Variants in QTMAN observed in about 807,000 individuals in gnomAD.
QTMAN encodes queuosine-tRNA mannosyltransferase, also known as tRNA-queuosine alpha-mannosyltransferase.
At chr2:144,093,526 T>A in the QTMAN span, among the ~76,000 whole-genome samples, 1 of 152,176 alleles carries the variant, frequency 6.6e-6, no homozygotes, top group African/African-American at 2.4e-5. Flanking sequence ...AACAAACAAA[T>A]CATACGACTG....
chr2:144,084,880 A>C, the QTMAN span, among the ~76,000 whole-genome samples: 3 of 152,230 alleles, frequency 2.0e-5, no homozygotes, highest in Non-Finnish European at 4.4e-5. Flanking sequence ...GCAAAACTTT[A>C]GTGTGCATTA....
the QTMAN span, chr2:144,211,049 C>T: frequency 6.6e-6 from 1 of 152,130 alleles, no homozygotes; most frequent in African/African-American, 2.4e-5. Flanking sequence ...GAAAAGAAAA[C>T]TGCTTTCTGA....
At chr2:144,217,164 T>C in the QTMAN span, among the ~76,000 whole-genome samples, 1 of 151,972 alleles carries the variant, frequency 6.6e-6, no homozygotes, top group African/African-American at 2.4e-5. Context: ...AGCAGAGAAG[T>C]CAAGGTGTGT....
At chr2:144,205,057 T>C in the QTMAN span, among the ~76,000 whole-genome samples, 2 of 151,968 alleles carry the variant, frequency 1.3e-5, no homozygotes, top group African/African-American at 4.8e-5. Flanking sequence ...GACGAGTTAA[T>C]GGGTACAGCA....
the QTMAN span, among the ~76,000 whole-genome samples, chr2:144,097,715 C>A: frequency 1.3e-5 from 2 of 152,168 alleles, no homozygotes; most frequent in Non-Finnish European, 2.9e-5. Context: ...AGCTTTAAGT[C>A]CTCTGTCAAG....
At chr2:144,209,433 A>G in the QTMAN span, among the ~76,000 whole-genome samples, 1 of 152,234 alleles carries the variant, frequency 6.6e-6, no homozygotes, top group South Asian at 2.1e-4. Context: ...GACACTACAC[A>G]TACTTTGATC....
the QTMAN span, among the ~76,000 whole-genome samples, chr2:144,201,407 G>A: frequency 6.6e-6 from 1 of 152,296 alleles, no homozygotes; most frequent in South Asian, 2.1e-4. Context: ...GACAGGGGAG[G>A]AGATGATGTT....
the QTMAN span, among the ~76,000 whole-genome samples, chr2:144,151,366 TCTTA>T: frequency 6.8e-6 from 1 of 147,986 alleles, no homozygotes; most frequent in Non-Finnish European, 1.5e-5. Flanking sequence ...TGTATTAATC[TCTTA>T]TATTTCTTTT....
the QTMAN span, among the ~76,000 whole-genome samples, chr2:144,078,902 C>A: frequency 5.3e-5 from 8 of 152,056 alleles, no homozygotes; most frequent in African/African-American, 1.7e-4. Flanking sequence ...CTCAAAGTGG[C>A]ATTTTTCTTT....
the QTMAN span, among the ~76,000 whole-genome samples, chr2:144,021,019 A>C: frequency 6.6e-6 from 1 of 152,102 alleles, no homozygotes; most frequent in Non-Finnish European, 1.5e-5. Context: ...AAAGAGATAA[A>C]ATAAGGTCAA....
At chr2:144,032,041 C>G in the QTMAN span, among the ~76,000 whole-genome samples, 1 of 152,246 alleles carries the variant, frequency 6.6e-6, no homozygotes, top group Non-Finnish European at 1.5e-5. Context: ...CCTCAGCCTC[C>G]CAAAGTGCTG....
chr2:144,332,363 G>A, the QTMAN span: 1 of 144,946 alleles, frequency 6.9e-6, no homozygotes, highest in South Asian at 2.1e-4. Context: ...GGCGGGCGCC[G>A]GGGAGGGGAG....
At chr2:144,196,169 C>G in the QTMAN span, among the ~76,000 whole-genome samples, 2 of 151,358 alleles carry the variant, frequency 1.3e-5, no homozygotes, top group East Asian at 3.9e-4. Flanking sequence ...GAATGAGAAA[C>G]TCCATAATAC....
the QTMAN span, among the ~76,000 whole-genome samples, chr2:144,316,920 TTTAAC>T: frequency 1.3e-5 from 2 of 152,222 alleles, no homozygotes; most frequent in Non-Finnish European, 2.9e-5. Context: ...GTATACACCA[TTTAAC>T]TTGTTTCCTC....
At chr2:144,113,516 A>G in the QTMAN span, among the ~76,000 whole-genome samples, 1 of 152,226 alleles carries the variant, frequency 6.6e-6, no homozygotes, top group Admixed American at 6.5e-5. Context: ...AGAAGAACAG[A>G]AGAAGGTGAT....
At chr2:144,239,423 T>C in the QTMAN span, among the ~76,000 whole-genome samples, 5 of 152,160 alleles carry the variant, frequency 3.3e-5, no homozygotes, top group African/African-American at 1.2e-4. Flanking sequence ...GTGAGTCCTC[T>C]TGTTTTGAAT....
At chr2:144,192,702 G>T in the QTMAN span, among the ~76,000 whole-genome samples, 1 of 152,166 alleles carries the variant, frequency 6.6e-6, no homozygotes, top group African/African-American at 2.4e-5. Flanking sequence ...CAGCATATTT[G>T]TAAGTTTCAA....
the QTMAN span, among the ~76,000 whole-genome samples, chr2:144,295,839 A>C: frequency 2.6e-5 from 4 of 151,960 alleles, no homozygotes; most frequent in Admixed American, 6.6e-5. Context: ...GTCTCAAACA[A>C]TCCTCCCACC....
the QTMAN span, among the ~76,000 whole-genome samples, chr2:144,149,356 A>C: frequency 6.6e-6 from 1 of 151,976 alleles, no homozygotes; most frequent in Non-Finnish European, 1.5e-5. Context: ...ATAAGGTTTT[A>C]TGTTTAATAT....
Sources: allele counts gnomAD v4.1 joint callset (sites outside exome capture counted in the v4.1 genomes callset), GRCh38; gene constraint gnomAD v4.1.1; transcripts MANE v1.5; gene names NCBI Gene and HGNC (gene_info 2026-07-23, HGNC 2026-07-21).